LNX1: variants seen among roughly 807,000 people sequenced by gnomAD.
The protein encoded by LNX1 is ligand of numb-protein X 1.
In LNX1, 54 loss-of-function variants were observed where a neutral mutation model predicts 68.4. The ratio of observed to expected loss-of-function variants is 0.79; its 90% CI spans 0.63 to 0.99. The LOEUF is 0.99. LNX1 is among the 50% of genes least tolerant of loss of function. LNX1 has a pLI of 0.00. For synonymous variants in LNX1, 336 were observed against 350.0 expected, an observed-to-expected ratio of 0.96 and a Z score of 0.45; for missense variants, 906 against 926.4, an observed-to-expected ratio of 0.98 and a Z score of 0.29.
chr4:53,614,404 C>G (rs1733609425), intron 2 of LNX1, among the ~76,000 whole-genome samples: 1 of 152,120 alleles, frequency 6.6e-6, no homozygotes, highest in Non-Finnish European at 1.5e-5. Context: ...AATGGATATC[C>G]CTTTGGGATC....
intron 7 of LNX1, among the ~76,000 whole-genome samples, chr4:53,481,256 G>A (rs974619834): frequency 6.6e-6 from 1 of 152,200 alleles, no homozygotes; most frequent in Non-Finnish European, 1.5e-5. Context: ...TGTTACATGA[G>A]CTTCAAGTGT....
At chr4:53,509,643 T>C (rs1443725003) in intron 2 of LNX1, among the ~76,000 whole-genome samples, 1 of 152,252 alleles carries the variant, frequency 6.6e-6, no homozygotes. Flanking sequence ...AGTACTAGAA[T>C]GCAAATTCAT....
intron 6 of LNX1, among the ~76,000 whole-genome samples, chr4:53,495,158 G>T (rs1284876459): frequency 2.6e-5 from 4 of 152,084 alleles, no homozygotes; most frequent in Non-Finnish European, 5.9e-5. Context: ...ACAGTAACGA[G>T]ACATGGGATC....
chr4:53,648,163 T>C (rs1350862837), intron 1 of LNX1, among the ~76,000 whole-genome samples: 2 of 152,224 alleles, frequency 1.3e-5, no homozygotes, highest in Non-Finnish European at 2.9e-5. Flanking sequence ...TTTTTCATTT[T>C]TTGGTGAACC....
chr4:53,555,409 T>C (rs1471147469), intron 2 of LNX1, among the ~76,000 whole-genome samples: 1 of 152,162 alleles, frequency 6.6e-6, no homozygotes, highest in Admixed American at 6.5e-5. Context: ...CCCCAACTCC[T>C]CTGGAAGCCT....
intron 2 of LNX1, chr4:53,524,235 T>C (rs1394168249): frequency 6.6e-6 from 1 of 152,226 alleles, no homozygotes; most frequent in Non-Finnish European, 1.5e-5. Flanking sequence ...ATGGTCATTA[T>C]CTTGTCAAAA....
chr4:53,555,182 C>T (rs573206382), intron 2 of LNX1, among the ~76,000 whole-genome samples: 4 of 152,270 alleles, frequency 2.6e-5, no homozygotes, highest in South Asian at 2.1e-4. Context: ...GCCTCCATCT[C>T]GGACATGCAG....
intron 2 of LNX1, among the ~76,000 whole-genome samples, chr4:53,525,152 A>C (rs1349055806): frequency 6.6e-6 from 1 of 152,154 alleles, no homozygotes; most frequent in Non-Finnish European, 1.5e-5. Context: ...ATGGTGGGCT[A>C]TAATCCCCTT....
At chr4:53,616,674 C>T (rs1048744160) in intron 1 of LNX1, 1 of 152,188 alleles carries the variant, frequency 6.6e-6, no homozygotes, top group Non-Finnish European at 1.5e-5. Context: ...GTAGTAACAG[C>T]AGCAGCAGTA....
At chr4:53,526,091 T>C (rs1727588789) in intron 2 of LNX1, among the ~76,000 whole-genome samples, 1 of 131,862 alleles carries the variant, frequency 7.6e-6, no homozygotes, top group African/African-American at 2.8e-5. Context: ...CAGTATGTTT[T>C]GGGCACTTTC....
At chr4:53,470,710 T>G (rs1027380732) in intron 9 of LNX1, among the ~76,000 whole-genome samples, 92 of 151,604 alleles carry the variant, frequency 6.1e-4, no homozygotes, top group African/African-American at 1.9e-3. Flanking sequence ...CAAACAGAGA[T>G]CCAAATCATG....
intron 4 of LNX1, chr4:53,501,732 C>CTG (rs1167155866): frequency 6.6e-6 from 1 of 152,204 alleles, no homozygotes; most frequent in African/African-American, 2.4e-5. Flanking sequence ...CTGTAGGTTG[C>CTG]TGAAGCAATG....
chr4:53,496,824 A>G (rs1725101027), intron 5 of LNX1, among the ~76,000 whole-genome samples: 1 of 152,154 alleles, frequency 6.6e-6, no homozygotes, highest in African/African-American at 2.4e-5. Context: ...CTTCCCAAAA[A>G]TCTCCAATTG....
chr4:53,550,388 C>T (rs565113492), intron 2 of LNX1, among the ~76,000 whole-genome samples: 25 of 152,330 alleles, frequency 1.6e-4, no homozygotes, highest in African/African-American at 6.0e-4. Flanking sequence ...TCCAGGTCCT[C>T]GTCCAAATTC....
intron 2 of LNX1, among the ~76,000 whole-genome samples, chr4:53,518,407 AATGCCG>A (rs1270626906): frequency 6.6e-6 from 1 of 152,172 alleles, no homozygotes; most frequent in Non-Finnish European, 1.5e-5. Flanking sequence ...ACTCTCCTTT[AATGCCG>A]ATGTTTTTCC....
At chr4:53,561,048 CTTCTT>C (rs1284532097) in intron 2 of LNX1, among the ~76,000 whole-genome samples, 1 of 152,114 alleles carries the variant, frequency 6.6e-6, no homozygotes, top group Non-Finnish European at 1.5e-5. Context: ...TATTTTCTTG[CTTCTT>C]TTCTTTTCAC....
intron 1 of LNX1, among the ~76,000 whole-genome samples, chr4:53,626,932 C>G (rs1419015793): frequency 6.6e-6 from 1 of 152,130 alleles, no homozygotes; most frequent in Non-Finnish European, 1.5e-5. Context: ...CCTGGGAAGC[C>G]TGGGAAGACT....
intron 2 of LNX1, among the ~76,000 whole-genome samples, chr4:53,551,215 G>T (rs1219601883): frequency 1.3e-5 from 2 of 152,020 alleles, no homozygotes; most frequent in Non-Finnish European, 1.5e-5. Context: ...GTTTCTCCCC[G>T]AGGCCTCATC....
At chr4:53,516,157 G>A (rs6853336) in intron 2 of LNX1, among the ~76,000 whole-genome samples, 59,839 of 151,948 alleles carry the variant, frequency 0.39, 13,455 homozygotes, top group Non-Finnish European at 0.48. Context: ...CAGGAGGACT[G>A]CTTGAGCCCA....
Sources: gnomAD v4.1 joint callset for allele counts (sites outside exome capture counted in the v4.1 genomes callset) on GRCh38, gnomAD v4.1.1 for gene constraint, MANE v1.5 for transcripts, NCBI Gene and HGNC (gene_info 2026-07-23, HGNC 2026-07-21) for gene names.